Variants in MED27 observed in about 807,000 individuals in gnomAD.
The protein encoded by MED27 is mediator complex subunit 27, also known as mediator of RNA polymerase II transcription subunit 27.
Under a neutral mutation model 38.2 loss-of-function variants are expected in MED27, and 30 were observed. The ratio of observed to expected loss-of-function variants is 0.79; its 90% CI spans 0.59 to 1.07. The LOEUF (loss-of-function observed/expected upper bound fraction) is 1.07, where lower values mean the gene tolerates loss of function less well. Among genes scored for constraint, MED27 ranks in the 50% least tolerant of loss-of-function variants. The pLI, the probability that MED27 is intolerant of heterozygous loss-of-function variation, is 0.00. For synonymous variants in MED27, 122 were observed against 153.5 expected, an observed-to-expected ratio of 0.79 and a Z score of 1.52; for missense variants, 289 against 397.5, an observed-to-expected ratio of 0.73 and a Z score of 2.32.
chr9:131,940,448 C>A (rs572410350), intron 3 of MED27, among the ~76,000 whole-genome samples: 1 of 151,974 alleles, frequency 6.6e-6, no homozygotes, highest in Admixed American at 6.6e-5. Flanking sequence ...CTGAGTCTTG[C>A]TCTATTGCCC....
At chr9:131,865,697 A>G (rs1369824499) in intron 6 of MED27, among the ~76,000 whole-genome samples, 1 of 152,202 alleles carries the variant, frequency 6.6e-6, no homozygotes, top group Non-Finnish European at 1.5e-5. Flanking sequence ...CCCCTGGGTG[A>G]GACCACCTCC....
intron 4 of MED27, among the ~76,000 whole-genome samples, chr9:131,928,539 G>T (rs1047686564): frequency 1.3e-5 from 2 of 152,228 alleles, no homozygotes; most frequent in African/African-American, 4.8e-5. Flanking sequence ...GCCTGGAGAG[G>T]ATCTGCACAC....
At chr9:131,900,936 A>G (rs962051861) in intron 4 of MED27, among the ~76,000 whole-genome samples, 9 of 147,426 alleles carry the variant, frequency 6.1e-5, no homozygotes, top group Admixed American at 5.4e-4. Flanking sequence ...AGAGGGAGAG[A>G]GAGGGAGGGA....
intron 3 of MED27, among the ~76,000 whole-genome samples, chr9:131,974,994 C>T (rs1831573269): frequency 6.6e-6 from 1 of 152,196 alleles, no homozygotes; most frequent in African/African-American, 2.4e-5. Context: ...AAGTGATTCT[C>T]TACCTGATAT....
intron 5 of MED27, among the ~76,000 whole-genome samples, chr9:131,891,265 G>A (rs202025617): frequency 6.6e-6 from 1 of 152,328 alleles, no homozygotes; most frequent in African/African-American, 2.4e-5. Context: ...CAGGGAGCAC[G>A]CGGCTGGAGA....
At chr9:132,061,799 A>G (rs1413147454) in intron 2 of MED27, among the ~76,000 whole-genome samples, 1 of 152,254 alleles carries the variant, frequency 6.6e-6, no homozygotes, top group Non-Finnish European at 1.5e-5. Flanking sequence ...GTGAAGGGCT[A>G]AAATAAACAT....
At chr9:132,068,070 C>T (rs756977181) in intron 2 of MED27, among the ~76,000 whole-genome samples, 4 of 151,994 alleles carry the variant, frequency 2.6e-5, no homozygotes, top group Non-Finnish European at 5.9e-5. Context: ...AGGGTTTCTT[C>T]CCCCCGCAAA....
At chr9:131,898,829 C>T (rs1395121209) in intron 4 of MED27, among the ~76,000 whole-genome samples, 2 of 152,174 alleles carry the variant, frequency 1.3e-5, no homozygotes, top group East Asian at 3.9e-4. Flanking sequence ...ATATGATCCT[C>T]CCACCTTGGC....
chr9:131,884,668 C>T (rs1379346734), intron 5 of MED27, among the ~76,000 whole-genome samples: 3 of 143,010 alleles, frequency 2.1e-5, no homozygotes, highest in East Asian at 4.1e-4. Context: ...AGTGCAGTGG[C>T]GTGATCTCAG....
intron 4 of MED27, among the ~76,000 whole-genome samples, chr9:131,937,259 T>C (rs1303233824): frequency 6.6e-6 from 1 of 152,166 alleles, no homozygotes; most frequent in South Asian, 2.1e-4. Flanking sequence ...ATTAACCCCA[T>C]GGCCCATGGC....
At chr9:131,870,770 C>A (rs1838817986) in intron 6 of MED27, among the ~76,000 whole-genome samples, 1 of 152,174 alleles carries the variant, frequency 6.6e-6, no homozygotes, top group Non-Finnish European at 1.5e-5. Flanking sequence ...CTCACTTACA[C>A]CCCAGTTCCT....
chr9:132,079,815 G>A lies in MED27; in HGVS notation c.30C>T (p.Asn10=). 2 of 1,609,246 alleles carry A rather than the reference G, an allele frequency of 1.2e-6. No individual in the cohort carries two copies. The highest frequency in any genetic ancestry group is 1.1e-5 in the South Asian group (1 of 90,586). MADVINVSV[N]LEAFSQAISA... ...TAATGGCCTGGGAAAAGGCCTCCAGGTTCACACTGACATTTATCACGTCCG... is the reference window on the plus strand; with the variant it reads ...TAATGGCCTGGGAAAAGGCCTCCAGATTCACACTGACATTTATCACGTCCG... The change falls in exon 1 of 8, where the codon AAC becomes AAT. Residue 10 remains asparagine (N), a synonymous_variant. Transcript: ENST00000292035.
intron 4 of MED27, among the ~76,000 whole-genome samples, chr9:131,937,503 T>C (rs917194727): frequency 6.6e-6 from 1 of 152,154 alleles, no homozygotes; most frequent in African/African-American, 2.4e-5. Flanking sequence ...AGAAGCTCCA[T>C]GGGAAAGCAG....
rs563962144 is a variant in MED27, at chr9:131,860,865, C to T, written c.802-193G>A. Among the ~76,000 whole-genome samples, 16 of 152,210 alleles carry T rather than the reference C, an allele frequency of 1.1e-4. No homozygotes were observed. The East Asian group carries it at 1.5e-3, about 15-fold the overall frequency. ...TGCTGATGTTCACGTCTGATGCTCG[C>T]GTGCCCCTCCTAACCGAAGGAGTTT... is the stretch of plus-strand genomic sequence containing the variant. On this transcript the variant is annotated intron_variant, in intron 7 of 7. Transcript: ENST00000292035. The surrounding 1 kb of genome is among the most constrained non-coding windows in gnomAD (Gnocchi z 5.8).
Position 131,910,527 on chromosome 9 carries a change from A to AT in MED27, c.574-16536dup, listed in dbSNP as rs148254531. 5.7e-3 allele frequency among the ~76,000 whole-genome samples: 861 copies of AT among 150,578 alleles called. 4 individuals carry two copies. The highest frequency in any genetic ancestry group is 0.02 in the African/African-American group (804 of 41,096). On this transcript the variant is annotated intron_variant, in intron 4 of 7. Coordinates refer to ENST00000292035, the MANE Select transcript of MED27 (RefSeq NM_004269.4). The stretch of plus-strand genomic sequence containing the variant: ...TGTTTCTCAACTCATTTACATTTGG[A>AT]TTTTTTTTTTAAAGGGCTACTGAAG...
chr9:132,037,067 G>A (rs1017246048), intron 2 of MED27, among the ~76,000 whole-genome samples: 2 of 152,284 alleles, frequency 1.3e-5, no homozygotes, highest in South Asian at 2.1e-4. Context: ...GCTGTGGGTG[G>A]AAGACGAAAT....
At chr9:131,900,225 G>GC (rs955994844) in intron 4 of MED27, among the ~76,000 whole-genome samples, 2 of 152,134 alleles carry the variant, frequency 1.3e-5, no homozygotes, top group Non-Finnish European at 2.9e-5. Context: ...CCCCTGCCTA[G>GC]CCCCCCCATC....
Position 131,897,674 on chromosome 9 carries a change from G to GAGTT in MED27, c.574-3686_574-3683dup, listed in dbSNP as rs1829856316. On this transcript the variant is annotated intron_variant, in intron 4 of 7. Coordinates refer to ENST00000292035, the MANE Select transcript of MED27 (RefSeq NM_004269.4). ...AGGTGGAGGTGACAAGATTGGCCAAGAGTTGGTCATTGTTGAAGCTGGGAT... is the reference window on the plus strand; with the variant it reads ...AGGTGGAGGTGACAAGATTGGCCAAGAGTTAGTTGGTCATTGTTGAAGCTGGGAT... 3.9e-5 allele frequency among the ~76,000 whole-genome samples: 6 copies of GAGTT among 152,344 alleles called. No homozygotes were observed. The South Asian group carries it at 1.2e-3, about 32-fold the overall frequency.
At chr9:132,008,480 G>A (rs1157244093) in intron 3 of MED27, among the ~76,000 whole-genome samples, 2 of 152,180 alleles carry the variant, frequency 1.3e-5, no homozygotes, top group South Asian at 2.1e-4. Context: ...AGTGCCCTCT[G>A]AACGCTAACA....
Sources: gnomAD v4.1 joint callset for allele counts (sites outside exome capture counted in the v4.1 genomes callset) on GRCh38, gnomAD v4.1.1 for gene constraint, Gnocchi (gnomAD v3.1) non-coding constraint, MANE v1.5 for transcripts, NCBI Gene and HGNC (gene_info 2026-07-23, HGNC 2026-07-21) for gene names.